Variants in TMEM266 observed in about 807,000 individuals in gnomAD.
TMEM266 encodes Hv1 related protein 1.
Under a neutral mutation model 50.5 loss-of-function variants are expected in TMEM266, and 33 were observed. The ratio of observed to expected loss-of-function variants is 0.65; its 90% CI spans 0.50 to 0.87. The LOEUF (loss-of-function observed/expected upper bound fraction) is 0.87. TMEM266 is among the 40% of genes least tolerant of loss of function. The pLI is 0.00. For synonymous variants in TMEM266, 310 were observed against 292.3 expected (o/e 1.06, Z -0.62); for missense variants, 655 against 695.1 (o/e 0.94, Z 0.65).
Position 76,164,273 on chromosome 15 carries a change from A to G in TMEM266, c.456+4105A>G, listed in dbSNP as rs1192633277. On this transcript the variant is annotated intron_variant, in intron 5 of 10. Transcript: ENST00000388942. ...CAGGCTGGGGTGCAATGGTCCAATC[A>G]CAGCTCACTGCAGCTGCAACCTCTT... 7.9e-5 allele frequency among the ~76,000 whole-genome samples: 12 copies of G among 152,120 alleles called. No homozygotes were observed. In the East Asian group the frequency reaches 2.1e-3, roughly 27 times the overall value.
chr15:76,166,201 G>A (rs931180665), intron 5 of TMEM266, among the ~76,000 whole-genome samples: 7 of 152,048 alleles, frequency 4.6e-5, no homozygotes, highest in South Asian at 2.1e-4. Context: ...AGTGGGTCTC[G>A]GCAAAGGTGT....
At chr15:76,106,125 G>A (rs1331424753) in intron 1 of TMEM266, among the ~76,000 whole-genome samples, 1 of 152,066 alleles carries the variant, frequency 6.6e-6, no homozygotes, top group Non-Finnish European at 1.5e-5. Flanking sequence ...CCTCTGCACT[G>A]TTTCTGTGTT....
At chr15:76,107,448 T>C (rs2037100643) in intron 1 of TMEM266, among the ~76,000 whole-genome samples, 1 of 152,214 alleles carries the variant, frequency 6.6e-6, no homozygotes, top group Non-Finnish European at 1.5e-5. Context: ...TACACTTACA[T>C]TCTAATCCTC....
At chr15:76,157,930 G>A (rs1206592698) in intron 4 of TMEM266, among the ~76,000 whole-genome samples, 1 of 152,200 alleles carries the variant, frequency 6.6e-6, no homozygotes, top group African/African-American at 2.4e-5. Flanking sequence ...CAAGGCTGCA[G>A]TGAGCCGTGA....
At chr15:76,199,414 AGGCTGACCCTCTG>A (rs1259997608) in intron 9 of TMEM266, among the ~76,000 whole-genome samples, 1 of 152,240 alleles carries the variant, frequency 6.6e-6, no homozygotes, top group African/African-American at 2.4e-5. Context: ...TGTCTCCAGC[AGGCTGACCCTCTG>A]GGCTGAGCCC....
chr15:76,077,878 C>T (rs2141988652), intron 1 of TMEM266, among the ~76,000 whole-genome samples: 1 of 152,014 alleles, frequency 6.6e-6, no homozygotes, highest in Non-Finnish European at 1.5e-5. Context: ...TTTTAGCAGC[C>T]AAAAGAAACT....
intron 1 of TMEM266, among the ~76,000 whole-genome samples, chr15:76,117,825 C>T (rs1468798107): frequency 2.6e-5 from 4 of 152,078 alleles, no homozygotes. Flanking sequence ...TGATTGTGGT[C>T]CTTGAAGGAG....
intron 1 of TMEM266, among the ~76,000 whole-genome samples, chr15:76,121,444 TCTCA>T (rs2037344576): frequency 6.6e-6 from 1 of 151,560 alleles, no homozygotes; most frequent in African/African-American, 2.4e-5. Context: ...TGAGATGGAG[TCTCA>T]CTCTGTCACC....
intron 3 of TMEM266, among the ~76,000 whole-genome samples, chr15:76,156,296 G>A (rs967658714): frequency 2.0e-5 from 3 of 152,110 alleles, no homozygotes; most frequent in African/African-American, 7.2e-5. Flanking sequence ...GGAGACAGAG[G>A]TTGCAGTGAG....
At chr15:76,078,839 G>A (rs879460168) in intron 1 of TMEM266, among the ~76,000 whole-genome samples, 1 of 152,206 alleles carries the variant, frequency 6.6e-6, no homozygotes, top group African/African-American at 2.4e-5. Flanking sequence ...CAGTTCTGGA[G>A]GACAGAAGTC....
chr15:76,111,193 G>C (rs761700539), intron 1 of TMEM266, among the ~76,000 whole-genome samples: 4 of 151,598 alleles, frequency 2.6e-5, no homozygotes, highest in Non-Finnish European at 4.4e-5. Context: ...CGATTCTCCT[G>C]TCTCAGCCTC....
chr15:76,071,817 G>A (rs1199675727), intron 1 of TMEM266, among the ~76,000 whole-genome samples: 1 of 152,182 alleles, frequency 6.6e-6, no homozygotes, highest in Non-Finnish European at 1.5e-5. Flanking sequence ...CCTGCTGCAA[G>A]ACCTAGAGCT....
Position 76,192,157 on chromosome 15 carries a change from G to A in TMEM266, c.958G>A (p.Glu320Lys), listed in dbSNP as rs534350468. Residue 320 changes from glutamate (E) to lysine (K), a missense_variant and splice_region_variant, in exon 9 of 11, where the codon GAA becomes AAA. Glu to Lys is a moderately conservative substitution (Grantham distance 56). Transcript: ENST00000388942. ...CGTGGAGGAGCTGCAGCCCTCGCAAGGTAAGCCCGGGTCTCCACCCGGCCC... is the reference window on the plus strand; with the variant it reads ...CGTGGAGGAGCTGCAGCCCTCGCAAAGTAAGCCCGGGTCTCCACCCGGCCC... 1.6e-5 allele frequency: 22 copies of A among 1,397,290 alleles called. No homozygotes were observed. The South Asian group carries it at 3.2e-4, about 20-fold the overall frequency. The allele number at this position is 1,397,290 out of a possible 1,614,324, so 86.6% of individuals were successfully genotyped here.
At chr15:76,111,914 T>C (rs2037176908) in intron 1 of TMEM266, 1 of 152,230 alleles carries the variant, frequency 6.6e-6, no homozygotes, top group Non-Finnish European at 1.5e-5. Context: ...AAACAAACTG[T>C]AATACATCCA....
intron 2 of TMEM266, among the ~76,000 whole-genome samples, chr15:76,135,931 T>C (rs1009282633): frequency 6.7e-5 from 10 of 149,846 alleles, no homozygotes; most frequent in African/African-American, 2.2e-4. Flanking sequence ...CCGGGATAAC[T>C]GCAGCTGTGG....
At chr15:76,191,750 A>G (rs2038574347) in intron 8 of TMEM266, 1 of 493,286 alleles carries the variant, frequency 2.0e-6, no homozygotes, top group Admixed American at 4.2e-5. Context: ...AAGGCACCTG[A>G]GACGCAGGAT....
At chr15:76,187,280 G>T (rs1306510152) in intron 8 of TMEM266, among the ~76,000 whole-genome samples, 1 of 152,218 alleles carries the variant, frequency 6.6e-6, no homozygotes, top group Non-Finnish European at 1.5e-5. Flanking sequence ...GGCTGTCTTG[G>T]CCTGAATTCC....
chr15:76,175,205 G>A, intron 7 of TMEM266: 1 of 216,148 alleles, frequency 4.6e-6, no homozygotes, highest in Non-Finnish European at 9.2e-6. Flanking sequence ...TCCTGCAGCT[G>A]CTGCATGCCA....
chr15:76,101,856 C>T (rs554262072), intron 1 of TMEM266, among the ~76,000 whole-genome samples: 3 of 152,168 alleles, frequency 2.0e-5, no homozygotes, highest in Admixed American at 6.5e-5. Flanking sequence ...GGGGTAGATG[C>T]TCGGAGGTGG....
Sources: allele counts gnomAD v4.1 joint callset (sites outside exome capture counted in the v4.1 genomes callset), GRCh38; gene constraint gnomAD v4.1.1; transcripts MANE v1.5; gene names NCBI Gene and HGNC (gene_info 2026-07-23, HGNC 2026-07-21).